Variants in SELENOF observed in about 807,000 individuals in gnomAD.
SELENOF encodes selenoprotein F, also known as 15 kDa selenoprotein.
In SELENOF, 16 loss-of-function variants were observed where a neutral mutation model predicts 20.5. The observed-to-expected ratio is 0.78, with a 90% CI of 0.53 to 1.19. The LOEUF is 1.19. SELENOF is among the 50% of genes most tolerant of loss of function. The pLI is 0.00. For missense variants in SELENOF, 215 were observed against 194.2 expected (o/e 1.11, Z -0.64); for synonymous variants, 78 against 74.5 (o/e 1.05, Z -0.24).
intron 3 of SELENOF, among the ~76,000 whole-genome samples, chr1:86,878,121 A>G (rs1016127990): frequency 3.9e-5 from 6 of 152,232 alleles, no homozygotes; most frequent in Admixed American, 3.9e-4. Flanking sequence ...ATAAGGAAAA[A>G]AAGGTATTTT....
chr1:86,871,894 T>C (rs1175026199), intron 3 of SELENOF, among the ~76,000 whole-genome samples: 3 of 152,052 alleles, frequency 2.0e-5, no homozygotes, highest in Non-Finnish European at 2.9e-5. Context: ...AATATGCAAA[T>C]AGCAAATAAA....
chr1:86,892,079 C>T (rs1034658523), intron 2 of SELENOF, among the ~76,000 whole-genome samples: 8 of 151,800 alleles, frequency 5.3e-5, no homozygotes, highest in South Asian at 2.1e-4. Flanking sequence ...TACAGGAGCC[C>T]GCCACCATGC....
At chr1:86,876,843 G>C (rs1278152861) in intron 3 of SELENOF, among the ~76,000 whole-genome samples, 1 of 152,198 alleles carries the variant, frequency 6.6e-6, no homozygotes, top group Non-Finnish European at 1.5e-5. Context: ...AGTTTCAAAG[G>C]CTAGGGCCAA....
At chr1:86,910,832 CCAA>C (rs1557474423) in intron 1 of SELENOF, among the ~76,000 whole-genome samples, 1 of 151,784 alleles carries the variant, frequency 6.6e-6, no homozygotes, top group Non-Finnish European at 1.5e-5. Flanking sequence ...TCTCCTCCTC[CCAA>C]CAATTTTCAT....
intron 2 of SELENOF, among the ~76,000 whole-genome samples, chr1:86,901,609 C>T (rs1014361600): frequency 3.9e-5 from 6 of 152,228 alleles, no homozygotes; most frequent in Non-Finnish European, 5.9e-5. Context: ...ATTAGCTGGG[C>T]ATATATTAAT....
At chr1:86,891,759 T>G (rs1032812777) in intron 2 of SELENOF, among the ~76,000 whole-genome samples, 3 of 152,120 alleles carry the variant, frequency 2.0e-5, no homozygotes, top group African/African-American at 7.2e-5. Flanking sequence ...TCTATGATCT[T>G]AGGTAAGATC....
chr1:86,903,174 T>C (rs1659744455), intron 2 of SELENOF, 107 bp downstream of exon 2: 2 of 972,084 alleles, frequency 2.1e-6, no homozygotes, highest in Non-Finnish European at 3.0e-6. Context: ...TACTAAAAAA[T>C]GTAAAAGCTT....
In SELENOF at chr1:86,899,491, C is replaced by T. The variant is rs559283493; in HGVS notation, c.252+3790G>A. 1.8e-4 allele frequency among the ~76,000 whole-genome samples: 24 copies of T among 132,314 alleles called. No individual in the cohort carries two copies. In the South Asian group the frequency reaches 5.6e-3, roughly 31 times the overall value. 86.8% of individuals were successfully genotyped at this position (132,314 alleles called of 152,430 possible). On this transcript the variant is annotated intron_variant, in intron 2 of 4. Transcript: ENST00000331835. ...CTCCTCACTTCCCAGTAGGGGCGGC[C>T]GGGCAGAGGCGTCCCTCACCTCCCG...
At chr1:86,893,786 T>C (rs913280610) in intron 2 of SELENOF, among the ~76,000 whole-genome samples, 2 of 151,774 alleles carry the variant, frequency 1.3e-5, no homozygotes, top group African/African-American at 4.9e-5. Flanking sequence ...AGGCAGAGTG[T>C]AATACATATA....
chr1:86,913,880 A>G, intron 1 of SELENOF, 148 bp downstream of exon 1: 2 of 711,732 alleles, frequency 2.8e-6, no homozygotes, highest in Non-Finnish European at 4.9e-6. Context: ...CAACCGAGAA[A>G]TTAAGCCACG....
At position 86,868,033 on chromosome 1, in the gene SELENOF, C is replaced by T. The variant is rs186570123; in HGVS notation, c.366+20G>A. On this transcript the variant is annotated intron_variant, in intron 4 of 4. Coordinates refer to ENST00000331835, the MANE Select transcript of SELENOF (RefSeq NM_004261.5). Reference sequence around the variant, plus strand: ...GAAATTAAGGCTGGAAAAAAGAGATCTCCACTACAATCACCTTACCTTGAT... The same window carrying T: ...GAAATTAAGGCTGGAAAAAAGAGATTTCCACTACAATCACCTTACCTTGAT... 8.2e-6 allele frequency: 10 copies of T among 1,224,310 alleles called. No homozygotes were observed. In the African/African-American group the frequency reaches 1.3e-4, roughly 15 times the overall value. 75.8% of individuals were successfully genotyped at this position (1,224,310 alleles called of 1,614,324 possible). A position where few individuals can be genotyped will look rare whatever the true frequency, so the allele number is the denominator to read the frequency against.
intron 1 of SELENOF, among the ~76,000 whole-genome samples, chr1:86,912,888 T>A (rs552804963): frequency 6.6e-6 from 1 of 151,846 alleles, no homozygotes; most frequent in Non-Finnish European, 1.5e-5. Context: ...TATAGACAAC[T>A]GACAGTCAAA....
chr1:86,875,602 T>C (rs1029986401), intron 3 of SELENOF, among the ~76,000 whole-genome samples: 7 of 152,192 alleles, frequency 4.6e-5, no homozygotes, highest in African/African-American at 1.4e-4. Flanking sequence ...TTCCTCTTAA[T>C]ACCAGGTGCA....
intron 2 of SELENOF, among the ~76,000 whole-genome samples, chr1:86,880,976 C>T (rs977961663): frequency 5.3e-5 from 8 of 151,888 alleles, no homozygotes; most frequent in East Asian, 1.9e-4. Context: ...CCAAAAAGAC[C>T]GAAGGAGATA....
At chr1:86,872,859 G>T (rs536961193) in intron 3 of SELENOF, among the ~76,000 whole-genome samples, 2 of 151,926 alleles carry the variant, frequency 1.3e-5, no homozygotes, top group East Asian at 3.9e-4. Context: ...TGGCTAACAC[G>T]GTGAAACCCC....
intron 2 of SELENOF, chr1:86,887,026 TTTGG>T: frequency 1.0e-6 from 1 of 999,240 alleles, no homozygotes; most frequent in Non-Finnish European, 1.3e-6. Flanking sequence ...TTTAGCAAAA[TTTGG>T]TCAGCGAATT....
At position 86,863,549 on chromosome 1, in the gene SELENOF, A is replaced by G. The variant is rs778619509; in HGVS notation, c.423T>C (p.Ala141=). 6.2e-7 allele frequency: 1 copy of G among 1,613,620 alleles called. No homozygotes were observed. Among genetic ancestry groups the G allele is most frequent in the Non-Finnish European group, 8.5e-7 (1 of 1,179,592 alleles). ...TCCATTTGAGAATGCTCAGTTCTTC[A>G]GCAATGTTCCCATTGTCGTCCAAAA... ...LKLLDDNGNI[A]EELSILKWNT... is the part of the protein sequence containing the mutation. Residue 141 remains alanine, a synonymous_variant, in exon 5 of 5, where the codon GCT becomes GCC. Transcript: ENST00000331835.
rs76123471 is a variant in SELENOF at position 86,903,486 on chromosome 1, A to G, written c.85-38T>C. On this transcript the variant is annotated intron_variant, in intron 1 of 4. Coordinates refer to ENST00000331835, the MANE Select transcript of SELENOF (RefSeq NM_004261.5). ...AATGGGAAATAAAACACAATTCCATATTTATACTACAAAGCTTTCCAAAAA... is the reference window on the plus strand; with the variant it reads ...AATGGGAAATAAAACACAATTCCATGTTTATACTACAAAGCTTTCCAAAAA... 1,476 of 1,521,184 alleles carry G rather than the reference A, an allele frequency of 9.7e-4. 14 individuals carry two copies. The East Asian group carries it at 0.025, about 25-fold the overall frequency. The allele number at this position is 1,521,184 out of a possible 1,614,324, so 94.2% of individuals were successfully genotyped here.
chr1:86,875,109 CG>C (rs1658889844), intron 3 of SELENOF, among the ~76,000 whole-genome samples: 3 of 151,960 alleles, frequency 2.0e-5, no homozygotes, highest in African/African-American at 2.4e-5. Context: ...GGTGTGGTGG[CG>C]CATGCCTGTA....
Sources: allele counts gnomAD v4.1 joint callset (sites outside exome capture counted in the v4.1 genomes callset), GRCh38; gene constraint gnomAD v4.1.1; transcripts MANE v1.5; gene names NCBI Gene and HGNC (gene_info 2026-07-23, HGNC 2026-07-21).